The following LPAR3 variants were observed in gnomAD, a reference collection of about 807,000 sequenced individuals.
LPAR3 encodes the protein LPA receptor 3.
Under a neutral mutation model 17.8 loss-of-function variants are expected in LPAR3, and 7 were observed. That is an observed-to-expected ratio of 0.39 (90% CI 0.22 to 0.74). The LOEUF (loss-of-function observed/expected upper bound fraction) is 0.74. Among genes scored for constraint, LPAR3 ranks in the 30% least tolerant of loss-of-function variants. The pLI, the probability that LPAR3 is intolerant of heterozygous loss-of-function variation, is 0.40. For synonymous variants in LPAR3, 179 were observed against 179.9 expected (o/e 0.99, Z 0.04); for missense variants, 391 against 453.4 (o/e 0.86, Z 1.25).
intron 2 of LPAR3, among the ~76,000 whole-genome samples, chr1:84,848,903 G>A (rs1392897665): frequency 6.6e-6 from 1 of 152,158 alleles, no homozygotes; most frequent in African/African-American, 2.4e-5. Flanking sequence ...TGCAACATAT[G>A]GACCCTCAGA....
intron 1 of LPAR3, among the ~76,000 whole-genome samples, chr1:84,892,212 CAAAAATAAATAAATAAATAA>C (rs1272043046): frequency 8.4e-6 from 1 of 119,350 alleles, no homozygotes; most frequent in African/African-American, 3.3e-5. Flanking sequence ...GACTGTGTCT[CAAAAATAAATAAATAAATAA>C]ATAAATAAAT....
intron 2 of LPAR3, among the ~76,000 whole-genome samples, chr1:84,837,666 A>C (rs1659432157): frequency 6.6e-6 from 1 of 152,236 alleles, no homozygotes; most frequent in South Asian, 2.1e-4. Flanking sequence ...ACTGAAAAGA[A>C]AGTCTGAAAT....
At chr1:84,845,819 C>T (rs1219929689) in intron 2 of LPAR3, among the ~76,000 whole-genome samples, 1 of 152,070 alleles carries the variant, frequency 6.6e-6, no homozygotes, top group Non-Finnish European at 1.5e-5. Flanking sequence ...AAAGTAGGGG[C>T]AAGTGAATTC....
intron 2 of LPAR3, among the ~76,000 whole-genome samples, chr1:84,833,609 C>A (rs759906227): frequency 6.6e-6 from 1 of 152,186 alleles, no homozygotes; most frequent in Non-Finnish European, 1.5e-5. Context: ...GTTTTAGCAG[C>A]GTGGCTTCTA....
At chr1:84,862,525 A>G (rs1331595547) in intron 2 of LPAR3, among the ~76,000 whole-genome samples, 1 of 152,232 alleles carries the variant, frequency 6.6e-6, no homozygotes, top group Non-Finnish European at 1.5e-5. Context: ...TTTCCATGAG[A>G]ATTAAATAAG....
intron 2 of LPAR3, among the ~76,000 whole-genome samples, chr1:84,853,543 C>G (rs1659761027): frequency 6.6e-6 from 1 of 152,172 alleles, no homozygotes; most frequent in Non-Finnish European, 1.5e-5. Context: ...CTCTCTGCCT[C>G]CTGCCAGATT....
Position 84,813,783 on chromosome 1 carries a change from G to A in LPAR3, c.*63C>T. On this transcript the variant is annotated 3_prime_UTR_variant, in exon 3 of 3. Coordinates refer to ENST00000370611, the MANE Select transcript of LPAR3 (RefSeq NM_012152.3). ...TGTACATGGGCTTTGTTAGAGACAGGTAATCATTCTTAACAGCTCTTTTCC... is the reference window on the plus strand; with the variant it reads ...TGTACATGGGCTTTGTTAGAGACAGATAATCATTCTTAACAGCTCTTTTCC... 2 of 1,280,280 alleles carry A rather than the reference G, an allele frequency of 1.6e-6. No individual in the cohort carries two copies. Among genetic ancestry groups the A allele is most frequent in the South Asian group, 2.6e-5 (2 of 76,180 alleles). The allele number at this position is 1,280,280 out of a possible 1,614,324, so 79.3% of individuals were successfully genotyped here.
intron 2 of LPAR3, among the ~76,000 whole-genome samples, chr1:84,838,490 A>C (rs985686659): frequency 1.9e-4 from 29 of 152,124 alleles, no homozygotes; most frequent in African/African-American, 7.0e-4. Flanking sequence ...CCCCATCCCA[A>C]CATGTGAAAA....
intron 2 of LPAR3, among the ~76,000 whole-genome samples, chr1:84,815,914 T>C (rs1658923856): frequency 6.6e-6 from 1 of 152,216 alleles, no homozygotes; most frequent in Non-Finnish European, 1.5e-5. Context: ...CCTTGTATTA[T>C]TATTTTCGGT....
intron 2 of LPAR3, among the ~76,000 whole-genome samples, chr1:84,849,095 G>C (rs547665168): frequency 7.0e-4 from 106 of 152,276 alleles, no homozygotes; most frequent in African/African-American, 2.3e-3. Flanking sequence ...AAAAAGTTCT[G>C]GCTGGGCACA....
chr1:84,823,085 T>C (rs1015470277), intron 2 of LPAR3, among the ~76,000 whole-genome samples: 4 of 152,200 alleles, frequency 2.6e-5, no homozygotes, highest in African/African-American at 9.7e-5. Flanking sequence ...ATTATAACTC[T>C]ACATAAAAGT....
chr1:84,884,449 T>A (rs1406551984), intron 1 of LPAR3, among the ~76,000 whole-genome samples: 1 of 152,224 alleles, frequency 6.6e-6, no homozygotes, highest in Non-Finnish European at 1.5e-5. Context: ...TAAATGTCAA[T>A]AAAAATCTTG....
chr1:84,874,043 G>A (rs146804364), intron 1 of LPAR3, among the ~76,000 whole-genome samples: 2,572 of 152,216 alleles, frequency 0.017, 71 homozygotes, highest in African/African-American at 0.059. Context: ...ATGAGCCATG[G>A]TGCCCAGCCT....
At chr1:84,840,438 C>A (rs1296722554) in intron 2 of LPAR3, among the ~76,000 whole-genome samples, 1 of 152,138 alleles carries the variant, frequency 6.6e-6, no homozygotes, top group African/African-American at 2.4e-5. Context: ...TTTAAAAAAT[C>A]TTATAGAAGA....
At chr1:84,867,612 T>A (rs2102766336) in intron 1 of LPAR3, among the ~76,000 whole-genome samples, 1 of 152,172 alleles carries the variant, frequency 6.6e-6, no homozygotes. Flanking sequence ...TTTTTGGCCA[T>A]AGCAAATGGG....
intron 2 of LPAR3, among the ~76,000 whole-genome samples, chr1:84,840,075 A>T (rs1659478874): frequency 6.6e-6 from 1 of 151,942 alleles, no homozygotes; most frequent in Non-Finnish European, 1.5e-5. Flanking sequence ...GGTGTGTGCC[A>T]CCACACCTGG....
At chr1:84,836,218 G>C (rs1490842917) in intron 2 of LPAR3, among the ~76,000 whole-genome samples, 1 of 150,564 alleles carries the variant, frequency 6.6e-6, no homozygotes, top group Non-Finnish European at 1.5e-5. Flanking sequence ...CACGCCTGTA[G>C]TTCCAGCTAC....
chr1:84,853,838 C>T (rs1400130583), intron 2 of LPAR3, among the ~76,000 whole-genome samples: 2 of 152,232 alleles, frequency 1.3e-5, no homozygotes, highest in African/African-American at 4.8e-5. Context: ...TACATGGGCT[C>T]TTTCTTGCCA....
At chr1:84,858,464 C>G (rs1659871832) in intron 2 of LPAR3, among the ~76,000 whole-genome samples, 1 of 129,676 alleles carries the variant, frequency 7.7e-6, no homozygotes, top group Non-Finnish European at 1.6e-5. Context: ...CAGCCTTGGG[C>G]GACAGGGCGA....
Sources: allele counts gnomAD v4.1 joint callset (sites outside exome capture counted in the v4.1 genomes callset), GRCh38; gene constraint gnomAD v4.1.1; transcripts MANE v1.5; gene names NCBI Gene and HGNC (gene_info 2026-07-23, HGNC 2026-07-21).